TMEM217: variants seen among roughly 807,000 people sequenced by gnomAD.
TMEM217 encodes transmembrane protein 217.
For missense variants in TMEM217, 204 were observed against 248.8 expected, an observed-to-expected ratio of 0.82 and a Z score of 1.21; for synonymous variants, 76 against 88.3, an observed-to-expected ratio of 0.86 and a Z score of 0.78.
At chr6:37,234,378 G>A (rs566914433) in intron 1 of TMEM217, among the ~76,000 whole-genome samples, 8 of 152,298 alleles carry the variant, frequency 5.3e-5, no homozygotes, top group Non-Finnish European at 1.0e-4. Context: ...GAAACTACAG[G>A]CGTGAGCCAC....
At chr6:37,229,406 G>C (rs181740550) in intron 1 of TMEM217, among the ~76,000 whole-genome samples, 1 of 146,070 alleles carries the variant, frequency 6.8e-6, no homozygotes, top group South Asian at 2.2e-4. Flanking sequence ...GCAGCGGCGC[G>C]ATCTCGGCTC....
exon 2 of TMEM217, chr6:37,218,457 G>A (rs1374922171): frequency 1.9e-6 from 3 of 1,612,480 alleles, no homozygotes; most frequent in Non-Finnish European, 2.5e-6. Context: ...GATTCCAGGT[G>A]TGAGCCACTG....
intron 1 of TMEM217, among the ~76,000 whole-genome samples, chr6:37,241,078 A>C (rs1463039569): frequency 6.6e-6 from 1 of 150,700 alleles, no homozygotes; most frequent in African/African-American, 2.4e-5. Context: ...CATGAGTTCT[A>C]TATATAATAA....
At chr6:37,235,064 G>C (rs1345427793) in intron 1 of TMEM217, among the ~76,000 whole-genome samples, 1 of 152,124 alleles carries the variant, frequency 6.6e-6, no homozygotes, top group Non-Finnish European at 1.5e-5. Context: ...ACTGCAAAAT[G>C]GTTAAAGCTG....
chr6:37,219,951 T>A (rs1763417330), intron 1 of TMEM217, among the ~76,000 whole-genome samples: 1 of 152,100 alleles, frequency 6.6e-6, no homozygotes, highest in South Asian at 2.1e-4. Flanking sequence ...AAAATATGGA[T>A]TACAGTGAAA....
chr6:37,212,643 C>T (rs1312308398), downstream of TMEM217: 1 of 541,204 alleles, frequency 1.8e-6, no homozygotes, highest in Non-Finnish European at 3.6e-6. Context: ...CTTTGATGAT[C>T]CCGTTGAGGA....
chr6:37,236,585 T>C (rs1249978755), intron 1 of TMEM217, among the ~76,000 whole-genome samples: 1 of 152,200 alleles, frequency 6.6e-6, no homozygotes, highest in Non-Finnish European at 1.5e-5. Context: ...GGCTTCAATC[T>C]TGGCTTCACC....
At chr6:37,235,337 AATAT>A (rs1256643830) in intron 1 of TMEM217, among the ~76,000 whole-genome samples, 1 of 152,154 alleles carries the variant, frequency 6.6e-6, no homozygotes, top group Non-Finnish European at 1.5e-5. Context: ...CAGACTGGGT[AATAT>A]ATAAAGAATA....
chr6:37,257,771 C>A, exon 1 of TMEM217: 1 of 831,144 alleles, frequency 1.2e-6, no homozygotes, highest in East Asian at 2.7e-5. Context: ...GAGGGGTGCC[C>A]ACATCCAAGA....
intron 1 of TMEM217, among the ~76,000 whole-genome samples, chr6:37,232,194 T>A (rs931942910): frequency 6.6e-6 from 1 of 152,126 alleles, no homozygotes; most frequent in Non-Finnish European, 1.5e-5. Flanking sequence ...TTCCAAAAAA[T>A]AGAATTTTCC....
At chr6:37,250,751 A>T (rs907554009) in intron 1 of TMEM217, among the ~76,000 whole-genome samples, 2 of 152,214 alleles carry the variant, frequency 1.3e-5, no homozygotes, top group African/African-American at 4.8e-5. Context: ...GCTGGGAAAA[A>T]TTTTTGCTAA....
chr6:37,240,757 T>A (rs1198183535), intron 1 of TMEM217, among the ~76,000 whole-genome samples: 5 of 152,092 alleles, frequency 3.3e-5, no homozygotes, highest in African/African-American at 1.2e-4. Context: ...AAAATAAATT[T>A]AAAAAAAGAC....
intron 1 of TMEM217, among the ~76,000 whole-genome samples, chr6:37,250,875 G>A (rs1419364131): frequency 6.6e-6 from 1 of 152,226 alleles, no homozygotes; most frequent in Non-Finnish European, 1.5e-5. Flanking sequence ...TTGATGCTAT[G>A]GAGTGTTTGT....
intron 1 of TMEM217, among the ~76,000 whole-genome samples, chr6:37,239,534 A>G (rs1764656085): frequency 6.6e-6 from 1 of 152,176 alleles, no homozygotes; most frequent in African/African-American, 2.4e-5. Context: ...GATATGAGAA[A>G]GCATTGAAGC....
chr6:37,229,334 A>ATTTTT (rs1764037840), intron 1 of TMEM217, among the ~76,000 whole-genome samples: 7 of 30,320 alleles, frequency 2.3e-4, no homozygotes, highest in East Asian at 1.1e-3. Context: ...AGCAACTTTC[A>ATTTTT]GTTTTTTTTT....
intron 1 of TMEM217, among the ~76,000 whole-genome samples, chr6:37,241,899 A>G (rs1764787753): frequency 6.6e-6 from 1 of 152,180 alleles, no homozygotes; most frequent in Admixed American, 6.5e-5. Context: ...CACTGTAACT[A>G]AACACTAACA....
At chr6:37,234,764 T>C (rs1764402379) in intron 1 of TMEM217, among the ~76,000 whole-genome samples, 2 of 151,802 alleles carry the variant, frequency 1.3e-5, no homozygotes, top group South Asian at 4.1e-4. Flanking sequence ...TAAATATCGG[T>C]ATACACATGT....
At chr6:37,245,784 T>TTTTC (rs1190759768) in intron 1 of TMEM217, among the ~76,000 whole-genome samples, 1 of 140,302 alleles carries the variant, frequency 7.1e-6, no homozygotes, top group East Asian at 2.1e-4. Context: ...TTTTCTTTTC[T>TTTTC]TTTCTTTCTT....
At chr6:37,242,791 C>T (rs1764838951) in intron 1 of TMEM217, among the ~76,000 whole-genome samples, 1 of 152,192 alleles carries the variant, frequency 6.6e-6, no homozygotes, top group African/African-American at 2.4e-5. Flanking sequence ...AGGTTGGCAT[C>T]TGTAATTCCT....
Sources: allele counts gnomAD v4.1 joint callset (sites outside exome capture counted in the v4.1 genomes callset), GRCh38; gene constraint gnomAD v4.1.1; transcripts MANE v1.5; gene names NCBI Gene and HGNC (gene_info 2026-07-23, HGNC 2026-07-21).